The following CLCN1 variants were observed in gnomAD, a reference collection of about 807,000 sequenced individuals.
The protein encoded by CLCN1 is chloride voltage-gated channel 1, also known as chloride channel protein 1.
In CLCN1, 100 loss-of-function variants were observed where a neutral mutation model predicts 114.5. The observed-to-expected ratio is 0.87, with a 90% CI of 0.74 to 1.03. The LOEUF (loss-of-function observed/expected upper bound fraction) is 1.03. CLCN1 is among the 50% of genes least tolerant of loss of function. CLCN1 has a pLI of 0.00. For synonymous variants in CLCN1, 485 were observed against 487.1 expected (o/e 1.00, Z 0.06); for missense variants, 1,188 against 1,250.0 (o/e 0.95, Z 0.75).
Position 143,350,881 on chromosome 7 carries a change from G to T in CLCN1, c.2595+227G>T, listed in dbSNP as rs1803379234. 1.3e-5 allele frequency among the ~76,000 whole-genome samples: 2 copies of T among 151,822 alleles called. No homozygotes were observed. The highest frequency in any genetic ancestry group is 1.3e-4 in the Admixed American group (2 of 15,246). On this transcript the variant is annotated intron_variant, in intron 22 of 22. Transcript: ENST00000343257. The surrounding 1 kb of genome is among the most constrained non-coding windows in gnomAD (Gnocchi z 5.1). ...CAACCTCCGCCTCCCGGGTTCAAGT[G>T]ATTCTCCTGCCTCAGCCTCCCAAGT...
At chr7:143,349,890 C>T (rs1280032542) in intron 20 of CLCN1, among the ~76,000 whole-genome samples, 1 of 152,100 alleles carries the variant, frequency 6.6e-6, no homozygotes, top group African/African-American at 2.4e-5. Flanking sequence ...GGGAGAAGCA[C>T]ATCTGATTGG....
Position 143,324,412 on chromosome 7 carries a change from A to G in CLCN1, c.775-2A>G, listed in dbSNP as rs773429377. Reference sequence around the variant, plus strand: ...TTTCTCTGTCTGTCTCTCCCCTAGTAGCAGCCATACTACTACTCTGATATC... The same window carrying G: ...TTTCTCTGTCTGTCTCTCCCCTAGTGGCAGCCATACTACTACTCTGATATC... On this transcript the variant is annotated splice_acceptor_variant, in intron 6 of 22. Transcript: ENST00000343257. LOFTEE classifies it high-confidence loss of function. This position sits in a 1 kb window ranked among gnomAD's most constrained non-coding sequence, Gnocchi z 4.6. 1 of 1,612,580 alleles carries G rather than the reference A, an allele frequency of 6.2e-7. No individual in the cohort carries two copies. The highest frequency in any genetic ancestry group is 1.3e-5 in the African/African-American group (1 of 74,792).
intron 20 of CLCN1, among the ~76,000 whole-genome samples, chr7:143,349,755 A>G (rs1245387031): frequency 1.3e-5 from 2 of 152,240 alleles, no homozygotes; most frequent in Non-Finnish European, 2.9e-5. Flanking sequence ...CACAATATAC[A>G]GCAGCCGATA....
Position 143,350,725 on chromosome 7 carries a change from C to G in CLCN1, c.2595+71C>G. 8 of 1,079,524 alleles carry G rather than the reference C, an allele frequency of 7.4e-6. No homozygotes were observed. Among genetic ancestry groups the G allele is most frequent in the Middle Eastern group, 2.7e-4 (1 of 3,748 alleles). 66.9% of individuals were successfully genotyped at this position (1,079,524 alleles called of 1,614,324 possible). ...ATAGGATAAGGGGATGCAGTGGGGA[C>G]AGAAGGAATATTAGCATCTCAGAAG... On this transcript the variant is annotated intron_variant, in intron 22 of 22. Transcript: ENST00000343257. The surrounding 1 kb of genome is among the most constrained non-coding windows in gnomAD (Gnocchi z 5.1).
chr7:143,340,798 G>T (rs753039557), intron 14 of CLCN1, among the ~76,000 whole-genome samples: 1 of 152,192 alleles, frequency 6.6e-6, no homozygotes, highest in Admixed American at 6.5e-5. Context: ...CTCCCAGAGT[G>T]CTAGGATTAC....
In CLCN1 at chr7:143,338,465, C is replaced by T. The variant is rs138436667; in HGVS notation, c.1402-788C>T. Among the ~76,000 whole-genome samples, 377 of 152,180 alleles carry T rather than the reference C, an allele frequency of 2.5e-3. 3 individuals are homozygous for T. The highest frequency in any genetic ancestry group is 8.8e-3 in the African/African-American group (365 of 41,522). ...TCAATTAATCACACAATAAGTCACT[C>T]AGACTTTAAATGTCTGACACTTAGA... is the stretch of plus-strand genomic sequence containing the variant. On this transcript the variant is annotated intron_variant, in intron 12 of 22. Transcript: ENST00000343257.
chr7:143,346,319 C>T (rs1803245351), intron 18 of CLCN1, 68 bp downstream of exon 18: 4 of 1,066,196 alleles, frequency 3.8e-6, no homozygotes, highest in Admixed American at 3.5e-5. Flanking sequence ...AGGACCTGAC[C>T]TTGACCTGCA....
At chr7:143,340,898 A>C (rs1334699928) in intron 14 of CLCN1, among the ~76,000 whole-genome samples, 1 of 152,178 alleles carries the variant, frequency 6.6e-6, no homozygotes, top group Non-Finnish European at 1.5e-5. Context: ...TACCTCTTCC[A>C]TATTTAAATA....
In CLCN1 at chr7:143,345,823, T is replaced by TCTGGGCTGGG. The variant is rs368460599; in HGVS notation, c.2172+77_2172+86dup. ...ATCAGGAGCAAAGGGAAAAGCGTCG[T>TCTGGGCTGGG]CTGGGCTGGGCTGGGCTGGGCTGGG... On this transcript the variant is annotated intron_variant, in intron 17 of 22. Coordinates refer to ENST00000343257, the MANE Select transcript of CLCN1 (RefSeq NM_000083.3). 7,902 of 1,565,500 alleles carry TCTGGGCTGGG rather than the reference T, an allele frequency of 5.0e-3. 86 individuals are homozygous for TCTGGGCTGGG. The highest frequency in any genetic ancestry group is 0.021 in the African/African-American group (1,524 of 72,922).
At chr7:143,320,556 TCTCTCTC>T in intron 2 of CLCN1, 101 bp from the exon 3 acceptor site, 2 of 491,058 alleles carry the variant, frequency 4.1e-6, no homozygotes, top group Admixed American at 3.9e-5. Context: ...GCTGCTTTTC[TCTCTCTC>T]TCTCTCTCTC....
chr7:143,330,661 T>G (rs1802696164), intron 7 of CLCN1, 111 bp from the exon 8 acceptor site: 1 of 1,411,868 alleles, frequency 7.1e-7, no homozygotes, highest in Non-Finnish European at 9.9e-7. Context: ...CCACTACTGC[T>G]TCCACCCAGA....
intron 12 of CLCN1, among the ~76,000 whole-genome samples, chr7:143,333,646 T>G (rs949750295): frequency 2.0e-5 from 3 of 152,228 alleles, no homozygotes; most frequent in African/African-American, 7.2e-5. Context: ...TTTTAGATCT[T>G]CAAAAGGGAT....
At chr7:143,320,025 G>T in intron 2 of CLCN1, 150 bp downstream of exon 2, 1 of 829,208 alleles carries the variant, frequency 1.2e-6, no homozygotes, top group Non-Finnish European at 2.0e-6. Flanking sequence ...GTCTCACTCT[G>T]TCATTCAGAC....
rs371600067 is a variant in CLCN1 at position 143,339,235 on chromosome 7, C to T, written c.1402-18C>T. 77 of 1,557,444 alleles carry T rather than the reference C, an allele frequency of 4.9e-5. No homozygotes were observed. The highest frequency in any genetic ancestry group is 5.9e-5 in the Non-Finnish European group (67 of 1,128,786). On this transcript the variant is annotated intron_variant, in intron 12 of 22. Transcript: ENST00000343257. This position sits in a 1 kb window ranked among gnomAD's most constrained non-coding sequence, Gnocchi z 4.1. ...GGGCAGAGTTGAAAGGGTATTCCAA[C>T]GCTTCTTTCTACTCCAGTTCTGGAT...
At chr7:143,347,172 T>G (rs1803270610) in intron 20 of CLCN1, among the ~76,000 whole-genome samples, 1 of 152,110 alleles carries the variant, frequency 6.6e-6, no homozygotes, top group African/African-American at 2.4e-5. Flanking sequence ...AGAGAAAAAC[T>G]TTGAGCCTCC....
chr7:143,341,175 G>A (rs1055747115), intron 14 of CLCN1, among the ~76,000 whole-genome samples: 3 of 152,094 alleles, frequency 2.0e-5, no homozygotes, highest in Non-Finnish European at 2.9e-5. Flanking sequence ...TATGATTCTC[G>A]GGTTTTCATT....
At chr7:143,323,805 C>G (rs1205995527) in intron 6 of CLCN1, 3 of 476,098 alleles carry the variant, frequency 6.3e-6, no homozygotes, top group African/African-American at 2.0e-5. Flanking sequence ...GTCCCGCGTG[C>G]TTCTCTGTTG....
chr7:143,349,420 G>A (rs1803338255), intron 20 of CLCN1, among the ~76,000 whole-genome samples: 1 of 152,164 alleles, frequency 6.6e-6, no homozygotes, highest in Non-Finnish European at 1.5e-5. Context: ...AAGTTTGAGA[G>A]GTGTAGATTT....
At chr7:143,336,566 C>A (rs1156314234) in intron 12 of CLCN1, among the ~76,000 whole-genome samples, 1 of 124,012 alleles carries the variant, frequency 8.1e-6, no homozygotes, top group Non-Finnish European at 1.6e-5. Flanking sequence ...GCTGACACAC[C>A]ATTGCACTCC....
Sources: allele counts gnomAD v4.1 joint callset (sites outside exome capture counted in the v4.1 genomes callset), GRCh38; gene constraint gnomAD v4.1.1; non-coding constraint Gnocchi (gnomAD v3.1); transcripts MANE v1.5; gene names NCBI Gene and HGNC (gene_info 2026-07-23, HGNC 2026-07-21).